POU2F2: variants seen among roughly 807,000 people sequenced by gnomAD.
POU2F2 encodes the protein POU class 2 homeobox 2, also known as POU domain, class 2, transcription factor 2.
In POU2F2, 14 loss-of-function variants were observed where a neutral mutation model predicts 63.5. That is an observed-to-expected ratio of 0.22 (90% confidence interval 0.15 to 0.34). The LOEUF (loss-of-function observed/expected upper bound fraction) is 0.34, where lower values mean the gene tolerates loss of function less well. POU2F2 is among the 10% of genes least tolerant of loss of function. The probability of loss-of-function intolerance (pLI) is 1.00; values close to 1 mark genes in which losing one functional copy is unlikely to be tolerated. For synonymous variants in POU2F2, 306 were observed against 348.6 expected, an observed-to-expected ratio of 0.88 and a Z score of 1.36; for missense variants, 607 against 815.2, an observed-to-expected ratio of 0.74 and a Z score of 3.11.
At chr19:42,171,587 C>A (rs1315722069) in intron 1 of POU2F2, among the ~76,000 whole-genome samples, 1 of 152,046 alleles carries the variant, frequency 6.6e-6, no homozygotes, top group African/African-American at 2.4e-5. Flanking sequence ...GTTTCTCAAG[C>A]AGTTGTGAGC....
At chr19:42,185,760 C>T (rs1330280583) in intron 1 of POU2F2, among the ~76,000 whole-genome samples, 2 of 152,146 alleles carry the variant, frequency 1.3e-5, no homozygotes, top group Non-Finnish European at 2.9e-5. Context: ...ATAGAAGGTA[C>T]CGGGGACACA....
chr19:42,154,760 T>G (rs1356261839), intron 2 of POU2F2, among the ~76,000 whole-genome samples: 1 of 149,452 alleles, frequency 6.7e-6, no homozygotes, highest in African/African-American at 2.4e-5. Flanking sequence ...AAGTGATGTC[T>G]CTCACACACA....
intron 11 of POU2F2, among the ~76,000 whole-genome samples, chr19:42,094,180 G>A (rs1409885803): frequency 6.6e-6 from 1 of 152,166 alleles, no homozygotes; most frequent in Non-Finnish European, 1.5e-5. Flanking sequence ...TGACTGCACC[G>A]GAAGAGTGGC....
chr19:42,162,975 C>A lies in POU2F2; in HGVS notation c.-69-2583G>T, dbSNP rs1220005551. ...GCAGGTGTGATCTCTCAGCATCTCA[C>A]ATTTGTTCGGCGAGTGTCATCCCAT... On this transcript the variant is annotated intron_variant, in intron 1 of 6. Coordinates refer to the POU2F2 transcript ENST00000524801. This position sits in a 1 kb window ranked among gnomAD's most constrained non-coding sequence, Gnocchi z 4.1. Among the ~76,000 whole-genome samples the A allele has an allele frequency of 6.6e-6, 1 of 152,174 alleles. No homozygotes were observed. Among genetic ancestry groups the A allele is most frequent in the Non-Finnish European group, 1.5e-5 (1 of 68,038 alleles).
chr19:42,120,829 A>G (rs1367665770), intron 4 of POU2F2, among the ~76,000 whole-genome samples: 1 of 152,244 alleles, frequency 6.6e-6, no homozygotes, highest in African/African-American at 2.4e-5. Context: ...TTTCCATAAT[A>G]AGGTGCTTTT....
Position 42,091,234 on chromosome 19 carries a change from G to A in POU2F2, c.*23C>T, listed in dbSNP as rs1454449457. ...GGACCAAGGCAGGGACCAGAGGAAT[G>A]GGAGGGGAGGCATGGCTGGCCCTCA... is the stretch of plus-strand genomic sequence containing the variant. On this transcript the variant is annotated 3_prime_UTR_variant, in exon 15 of 15. Coordinates refer to ENST00000692977, the MANE Select transcript of POU2F2 (RefSeq NM_001394376.1). 1 of 1,516,098 alleles carries A rather than the reference G, an allele frequency of 6.6e-7. No individual in the cohort carries two copies. Among genetic ancestry groups the A allele is most frequent in the Non-Finnish European group, 8.8e-7 (1 of 1,135,970 alleles). 93.9% of individuals were successfully genotyped at this position (1,516,098 alleles called of 1,614,324 possible).
chr19:42,114,094 G>A (rs2031519672), intron 5 of POU2F2, among the ~76,000 whole-genome samples: 1 of 152,078 alleles, frequency 6.6e-6, no homozygotes, highest in Non-Finnish European at 1.5e-5. Context: ...AAAGGAGGAG[G>A]GGTTTAAGGA....
upstream of POU2F2, among the ~76,000 whole-genome samples, chr19:42,134,866 C>G (rs184596479): frequency 1.3e-5 from 2 of 152,236 alleles, no homozygotes; most frequent in East Asian, 1.9e-4. Flanking sequence ...AGACAATAAT[C>G]GCTTGTACGC....
chr19:42,124,972 A>C (rs2033056370), intron 1 of POU2F2, among the ~76,000 whole-genome samples: 1 of 152,220 alleles, frequency 6.6e-6, no homozygotes, highest in African/African-American at 2.4e-5. Flanking sequence ...TGGTGGTTAC[A>C]GGGTCCTTAC....
intron 1 of POU2F2, among the ~76,000 whole-genome samples, chr19:42,174,095 C>T (rs2034824146): frequency 6.6e-6 from 1 of 152,108 alleles, no homozygotes. Context: ...GCTGTGCAAG[C>T]ATGCCGTCAA....
At chr19:42,164,767 G>C (rs1213238775) in intron 1 of POU2F2, among the ~76,000 whole-genome samples, 3 of 151,872 alleles carry the variant, frequency 2.0e-5, no homozygotes, top group Non-Finnish European at 4.4e-5. Context: ...TACAAGACCA[G>C]CCTGGGCAAC....
chr19:42,107,505 TG>T (rs2146462410), intron 5 of POU2F2, among the ~76,000 whole-genome samples: 1 of 152,320 alleles, frequency 6.6e-6, no homozygotes, highest in African/African-American at 2.4e-5. Context: ...AAAGCAATCA[TG>T]AGTGAAAACA....
intron 1 of POU2F2, among the ~76,000 whole-genome samples, chr19:42,167,828 C>T (rs975272632): frequency 1.3e-5 from 2 of 152,204 alleles, no homozygotes. Flanking sequence ...CTGACCCATT[C>T]ATTCTCCAAG....
rs571924153 is a variant in POU2F2 at position 42,141,584 on chromosome 19, C to T, written c.-9+18748G>A. ...ACAACCTCTGCCTCCTGTGTTCAAG[C>T]GATTCTCCTGCCTCAGCCTCCCGAG... is the stretch of plus-strand genomic sequence containing the variant. On this transcript the variant is annotated intron_variant, in intron 2 of 6. Coordinates refer to the POU2F2 transcript ENST00000524801. Among the ~76,000 whole-genome samples the T allele has an allele frequency of 1.8e-3, 266 of 147,932 alleles. 2 individuals carry two copies. Among genetic ancestry groups the T allele is most frequent in the Non-Finnish European group, 1.0e-3 (70 of 67,640 alleles).
intron 1 of POU2F2, among the ~76,000 whole-genome samples, chr19:42,192,264 C>T (rs903142459): frequency 7.9e-5 from 12 of 152,072 alleles, no homozygotes; most frequent in Non-Finnish European, 1.3e-4. Context: ...TCTTCAGGAA[C>T]GAGGTGAAGT....
chr19:42,105,999 T>TCTTCTTTC (rs1487918924), intron 5 of POU2F2, among the ~76,000 whole-genome samples: 3 of 132,224 alleles, frequency 2.3e-5, no homozygotes, highest in Non-Finnish European at 4.8e-5. Flanking sequence ...GATCTTTCTT[T>TCTTCTTTC]TTTCTTTCTT....
intron 2 of POU2F2, among the ~76,000 whole-genome samples, chr19:42,149,441 A>T (rs934974327): frequency 6.6e-6 from 1 of 152,048 alleles, no homozygotes; most frequent in South Asian, 2.1e-4. Flanking sequence ...TAGACAAGGG[A>T]TGTGGGGCGC....
chr19:42,103,627 CTTTTTTT>C (rs1001669920), intron 5 of POU2F2, among the ~76,000 whole-genome samples: 23 of 100,566 alleles, frequency 2.3e-4, no homozygotes, highest in Admixed American at 1.2e-3. Context: ...GGGCTCGTTT[CTTTTTTT>C]TTTTTTTTTT....
intron 1 of POU2F2, among the ~76,000 whole-genome samples, chr19:42,170,399 C>T (rs2034737882): frequency 6.6e-6 from 1 of 150,416 alleles, no homozygotes; most frequent in Non-Finnish European, 1.5e-5. Context: ...CCCATCGCTT[C>T]TTCCCCACCC....
Sources: allele counts gnomAD v4.1 joint callset (sites outside exome capture counted in the v4.1 genomes callset), GRCh38; gene constraint gnomAD v4.1.1; non-coding constraint Gnocchi (gnomAD v3.1); transcripts MANE v1.5; gene names NCBI Gene and HGNC (gene_info 2026-07-23, HGNC 2026-07-21).